GPATCH2: variants seen among roughly 807,000 people sequenced by gnomAD.
The protein encoded by GPATCH2 is G patch domain-containing protein 2.
A neutral mutation model predicts 58.0 loss-of-function variants in GPATCH2; 51 were observed. The observed-to-expected ratio is 0.88, with a 90% confidence interval of 0.70 to 1.11. The LOEUF (loss-of-function observed/expected upper bound fraction) is 1.11. Among genes scored for constraint, GPATCH2 ranks in the 50% most tolerant of loss-of-function variants. The probability of loss-of-function intolerance (pLI) is 0.00; values close to 1 mark genes in which losing one functional copy is unlikely to be tolerated. For synonymous variants in GPATCH2, 222 were observed against 218.5 expected, an observed-to-expected ratio of 1.02 and a Z score of -0.14; for missense variants, 625 against 652.2, an observed-to-expected ratio of 0.96 and a Z score of 0.45.
chr1:217,605,879 T>G (rs1404555012), intron 5 of GPATCH2, among the ~76,000 whole-genome samples: 1 of 152,136 alleles, frequency 6.6e-6, no homozygotes, highest in African/African-American at 2.4e-5. Flanking sequence ...TTGAGTTTAA[T>G]GCACAAACTA....
intron 5 of GPATCH2, among the ~76,000 whole-genome samples, chr1:217,598,356 C>T (rs1667947981): frequency 6.6e-6 from 1 of 152,194 alleles, no homozygotes; most frequent in South Asian, 2.1e-4. Flanking sequence ...CTATTGCACT[C>T]AAGCCGGGGC....
chr1:217,526,533 T>G (rs545455152), intron 5 of GPATCH2, among the ~76,000 whole-genome samples: 2 of 152,276 alleles, frequency 1.3e-5, no homozygotes, highest in South Asian at 4.1e-4. Flanking sequence ...AGTTAACAAA[T>G]AGCAGTGTAA....
intron 5 of GPATCH2, chr1:217,608,571 T>A (rs755290075): frequency 2.3e-5 from 23 of 985,274 alleles, no homozygotes; most frequent in Non-Finnish European, 2.7e-5. Context: ...ATCCCAGCTA[T>A]GCTCAAGCAA....
chr1:217,515,566 G>A (rs949241684), intron 5 of GPATCH2, among the ~76,000 whole-genome samples: 2 of 151,960 alleles, frequency 1.3e-5, no homozygotes, highest in African/African-American at 4.8e-5. Context: ...AAATTAGCCG[G>A]GCATGGTGGC....
chr1:217,565,927 C>T (rs914840153), intron 5 of GPATCH2, among the ~76,000 whole-genome samples: 1 of 151,532 alleles, frequency 6.6e-6, no homozygotes, highest in East Asian at 1.9e-4. Context: ...AATGGAGAAA[C>T]CTCATCTCTA....
intron 6 of GPATCH2, among the ~76,000 whole-genome samples, chr1:217,504,258 T>C (rs181685014): frequency 1.3e-5 from 2 of 152,302 alleles, no homozygotes; most frequent in Admixed American, 6.5e-5. Context: ...GTGGCCTCTG[T>C]GTCCTAGGGT....
intron 5 of GPATCH2, among the ~76,000 whole-genome samples, chr1:217,523,965 C>T (rs1381761694): frequency 7.7e-6 from 1 of 129,352 alleles, no homozygotes; most frequent in African/African-American, 2.8e-5. Flanking sequence ...CCCCACACCT[C>T]CCTCCCGGAC....
At chr1:217,542,297 C>T (rs1664786736) in intron 5 of GPATCH2, among the ~76,000 whole-genome samples, 3 of 152,250 alleles carry the variant, frequency 2.0e-5, no homozygotes, top group East Asian at 1.9e-4. Flanking sequence ...CCCATCCTTA[C>T]GGTAGGAGAC....
chr1:217,563,868 A>G (rs58185203), intron 5 of GPATCH2, among the ~76,000 whole-genome samples: 3,353 of 152,014 alleles, frequency 0.022, 135 homozygotes, highest in African/African-American at 0.076. Context: ...AACATGGAGG[A>G]ACCCCGTCTC....
intron 5 of GPATCH2, among the ~76,000 whole-genome samples, chr1:217,530,341 T>C (rs947607951): frequency 2.0e-5 from 3 of 152,122 alleles, no homozygotes; most frequent in African/African-American, 7.2e-5. Flanking sequence ...AAAATGGGGG[T>C]GGATAATAGT....
intron 1 of GPATCH2, among the ~76,000 whole-genome samples, chr1:217,624,602 C>G (rs1173368141): frequency 1.3e-5 from 2 of 152,208 alleles, no homozygotes; most frequent in East Asian, 3.8e-4. Flanking sequence ...GCAGTTTACA[C>G]TGATGCATCA....
chr1:217,513,018 G>A (rs1049393061), intron 6 of GPATCH2, among the ~76,000 whole-genome samples: 1 of 152,192 alleles, frequency 6.6e-6, no homozygotes, highest in Admixed American at 6.5e-5. Flanking sequence ...GGCCAGGCGC[G>A]GTGGCTCACA....
chr1:217,495,994 G>A (rs1195753553), intron 7 of GPATCH2, among the ~76,000 whole-genome samples: 1 of 152,172 alleles, frequency 6.6e-6, no homozygotes, highest in Admixed American at 6.6e-5. Flanking sequence ...AAGTTGGTAT[G>A]AGAAAAGCAT....
At chr1:217,611,100 C>A (rs749717036) in intron 3 of GPATCH2, 29 bp from the exon 4 acceptor site, 40 of 1,570,246 alleles carry the variant, frequency 2.5e-5, no homozygotes, top group Non-Finnish European at 3.4e-5. Context: ...CCCCCCCCCA[C>A]CAAAGACTCA....
At chr1:217,573,031 T>A (rs902102715) in intron 5 of GPATCH2, among the ~76,000 whole-genome samples, 13 of 152,214 alleles carry the variant, frequency 8.5e-5, no homozygotes, top group African/African-American at 3.1e-4. Context: ...AGAAAGGAAG[T>A]CCGACACAAA....
At chr1:217,541,092 G>C (rs1664716337) in intron 5 of GPATCH2, among the ~76,000 whole-genome samples, 1 of 152,156 alleles carries the variant, frequency 6.6e-6, no homozygotes, top group Non-Finnish European at 1.5e-5. Context: ...TTCATCTATA[G>C]CTTCTGTATT....
intron 2 of GPATCH2, among the ~76,000 whole-genome samples, chr1:217,619,522 A>G (rs1048834197): frequency 2.0e-5 from 3 of 152,180 alleles, no homozygotes; most frequent in African/African-American, 7.2e-5. Context: ...TTTTCCACTG[A>G]AAATCCATTT....
intron 6 of GPATCH2, among the ~76,000 whole-genome samples, chr1:217,504,130 C>T (rs1027376674): frequency 4.6e-5 from 7 of 151,950 alleles, no homozygotes; most frequent in Non-Finnish European, 8.8e-5. Context: ...AAGTCCTGTA[C>T]GAATGAGGGC....
chr1:217,628,455 T>A (rs2102860877), intron 1 of GPATCH2, among the ~76,000 whole-genome samples: 1 of 152,180 alleles, frequency 6.6e-6, no homozygotes, highest in Admixed American at 6.5e-5. Flanking sequence ...GATTCTTAAT[T>A]GTTGAAACAA....
Sources: gnomAD v4.1 joint callset for allele counts (sites outside exome capture counted in the v4.1 genomes callset) on GRCh38, gnomAD v4.1.1 for gene constraint, MANE v1.5 for transcripts, NCBI Gene and HGNC (gene_info 2026-07-23, HGNC 2026-07-21) for gene names.